ZBTB7C: variants seen among roughly 807,000 people sequenced by gnomAD.
ZBTB7C encodes zinc finger and BTB domain containing 7C.
A neutral mutation model predicts 25.7 loss-of-function variants in ZBTB7C; 8 were observed. The observed-to-expected ratio is 0.31, with a 90% confidence interval of 0.18 to 0.56. The LOEUF (loss-of-function observed/expected upper bound fraction) is 0.56, where lower values mean the gene tolerates loss of function less well. Among genes scored for constraint, ZBTB7C ranks in the 20% least tolerant of loss-of-function variants. ZBTB7C has a pLI of 0.91. For missense variants in ZBTB7C, 824 were observed against 855.2 expected (o/e 0.96, Z 0.46); for synonymous variants, 394 against 369.0 (o/e 1.07, Z -0.78).
At chr18:48,300,333 G>A (rs1338087069) in intron 2 of ZBTB7C, among the ~76,000 whole-genome samples, 1 of 152,166 alleles carries the variant, frequency 6.6e-6, no homozygotes, top group Non-Finnish European at 1.5e-5. Flanking sequence ...AGGCAGATGA[G>A]TTGTGAATGT....
chr18:48,111,599 G>T (rs1339859125), intron 3 of ZBTB7C, among the ~76,000 whole-genome samples: 1 of 152,208 alleles, frequency 6.6e-6, no homozygotes, highest in African/African-American at 2.4e-5. Flanking sequence ...GCAGGAGGGA[G>T]GTGTGGGAGG....
At chr18:48,391,397 A>T (rs1241378033) in intron 1 of ZBTB7C, among the ~76,000 whole-genome samples, 2 of 152,256 alleles carry the variant, frequency 1.3e-5, no homozygotes, top group African/African-American at 4.8e-5. Context: ...CAAATGGTCC[A>T]GTGGCAGAGC....
At chr18:48,350,078 T>C (rs1347231447) in intron 1 of ZBTB7C, among the ~76,000 whole-genome samples, 1 of 152,234 alleles carries the variant, frequency 6.6e-6, no homozygotes, top group African/African-American at 2.4e-5. Flanking sequence ...AACTGTTTTC[T>C]TTGTTTATTG....
At chr18:48,211,304 C>T (rs79588930) in intron 2 of ZBTB7C, among the ~76,000 whole-genome samples, 1,557 of 152,092 alleles carry the variant, frequency 0.01, 16 homozygotes, top group South Asian at 0.017. Flanking sequence ...GATACAACAC[C>T]AAAGGCACAA....
intron 3 of ZBTB7C, among the ~76,000 whole-genome samples, chr18:48,132,990 T>C (rs1427842330): frequency 1.3e-5 from 2 of 152,216 alleles, no homozygotes; most frequent in African/African-American, 4.8e-5. Context: ...AAAGCCGACA[T>C]AGATCATGTG....
chr18:48,166,897 C>CG (rs201276816), intron 3 of ZBTB7C, among the ~76,000 whole-genome samples: 3 of 151,994 alleles, frequency 2.0e-5, no homozygotes, highest in East Asian at 1.9e-4. Context: ...TCCTTACTGG[C>CG]GGGGGGGAAG....
chr18:48,347,330 C>T (rs1275540917), intron 1 of ZBTB7C, among the ~76,000 whole-genome samples: 1 of 151,984 alleles, frequency 6.6e-6, no homozygotes, highest in Admixed American at 6.5e-5. Flanking sequence ...TGAGCCACCA[C>T]TCCCAGCCGT....
chr18:48,281,413 G>A (rs545235974), intron 2 of ZBTB7C, among the ~76,000 whole-genome samples: 22 of 152,280 alleles, frequency 1.4e-4, no homozygotes, highest in Non-Finnish European at 2.1e-4. Context: ...AGGACTTCAT[G>A]TCTAAAACAC....
intron 3 of ZBTB7C, among the ~76,000 whole-genome samples, chr18:48,136,824 G>C (rs2040181905): frequency 6.6e-6 from 1 of 152,078 alleles, no homozygotes; most frequent in Non-Finnish European, 1.5e-5. Flanking sequence ...ACCCGCGCCA[G>C]CCAGAGCCGC....
In ZBTB7C at chr18:48,145,676, CCT is replaced by C. The variant is rs578182431; in HGVS notation, c.-17+40256_-17+40257del. ...TATAGACCAGTGAGCTTTGTATTAC[CCT>C]GTTTACGTAACTCATGGCTAAAATT... is the stretch of plus-strand genomic sequence containing the variant. On this transcript the variant is annotated intron_variant, in intron 3 of 4. Coordinates refer to ENST00000590800, the MANE Select transcript of ZBTB7C (RefSeq NM_001318841.2). Among the ~76,000 whole-genome samples, 5 of 152,226 alleles carry C rather than the reference CCT, an allele frequency of 3.3e-5. No individual in the cohort carries two copies. The South Asian group carries it at 8.3e-4, about 25-fold the overall frequency.
chr18:48,325,106 T>G (rs1050128984), intron 2 of ZBTB7C, among the ~76,000 whole-genome samples: 2 of 152,190 alleles, frequency 1.3e-5, no homozygotes, highest in African/African-American at 4.8e-5. Flanking sequence ...AATGACTGAT[T>G]GGTCTACTAA....
intron 2 of ZBTB7C, among the ~76,000 whole-genome samples, chr18:48,315,555 A>G (rs2144819025): frequency 6.6e-6 from 1 of 152,278 alleles, no homozygotes; most frequent in African/African-American, 2.4e-5. Context: ...GACCCCCAAG[A>G]AACACCTCCC....
intron 2 of ZBTB7C, among the ~76,000 whole-genome samples, chr18:48,315,844 T>A (rs928825379): frequency 2.6e-5 from 4 of 152,188 alleles, no homozygotes; most frequent in Admixed American, 6.5e-5. Flanking sequence ...CCCTAAAGCA[T>A]AACTCAACTG....
chr18:48,054,005 T>C (rs538253231), intron 3 of ZBTB7C, among the ~76,000 whole-genome samples: 1 of 152,314 alleles, frequency 6.6e-6, no homozygotes, highest in South Asian at 2.1e-4. Context: ...GGATGGCACA[T>C]GCAGACAGGA....
intron 2 of ZBTB7C, among the ~76,000 whole-genome samples, chr18:48,214,522 T>C (rs761921971): frequency 5.9e-5 from 9 of 152,260 alleles, no homozygotes; most frequent in Admixed American, 2.0e-4. Context: ...GTAAAGAAGC[T>C]GGTTAAAACC....
intron 3 of ZBTB7C, among the ~76,000 whole-genome samples, chr18:48,166,958 C>A (rs1039268952): frequency 3.3e-5 from 5 of 152,152 alleles, no homozygotes; most frequent in Non-Finnish European, 7.4e-5. Context: ...GAAGAGGCCT[C>A]TTCCTCTGAC....
At chr18:48,381,272 T>C (rs2047628440) in intron 1 of ZBTB7C, among the ~76,000 whole-genome samples, 1 of 152,120 alleles carries the variant, frequency 6.6e-6, no homozygotes. Context: ...CCAGGTATGA[T>C]GGTAAAAGGT....
intron 1 of ZBTB7C, among the ~76,000 whole-genome samples, chr18:48,371,918 T>C (rs1054051454): frequency 2.6e-5 from 4 of 152,122 alleles, no homozygotes; most frequent in African/African-American, 9.7e-5. Context: ...ACTCCACACA[T>C]GTTAACTGAG....
chr18:48,172,966 C>T (rs1399643055), intron 3 of ZBTB7C, among the ~76,000 whole-genome samples: 1 of 152,170 alleles, frequency 6.6e-6, no homozygotes, highest in Non-Finnish European at 1.5e-5. Flanking sequence ...GAACTCACTG[C>T]AGAGTAACTC....
Sources: allele counts gnomAD v4.1 joint callset (sites outside exome capture counted in the v4.1 genomes callset), GRCh38; gene constraint gnomAD v4.1.1; transcripts MANE v1.5; gene names NCBI Gene and HGNC (gene_info 2026-07-23, HGNC 2026-07-21).